TASP1: variants seen among roughly 807,000 people sequenced by gnomAD.
TASP1 encodes the protein threonine aspartase 1.
A neutral mutation model predicts 56.6 loss-of-function variants in TASP1; 16 were observed. The observed-to-expected ratio is 0.28, with a 90% CI of 0.19 to 0.43. The LOEUF (loss-of-function observed/expected upper bound fraction) is 0.43. Among genes scored for constraint, TASP1 ranks in the 20% least tolerant of loss-of-function variants. The pLI is 1.00. For synonymous variants in TASP1, 179 were observed against 184.2 expected (o/e 0.97, Z 0.23); for missense variants, 393 against 511.6 (o/e 0.77, Z 2.24).
chr20:13,138,199 C>T, the TASP1 span, among the ~76,000 whole-genome samples: 1 of 152,194 alleles, frequency 6.6e-6, no homozygotes, highest in African/African-American at 2.4e-5. Context: ...AATACAAGTG[C>T]CATGAGGGCA....
chr20:13,239,288 G>C, the TASP1 span, among the ~76,000 whole-genome samples: 582 of 152,304 alleles, frequency 3.8e-3, 5 homozygotes, highest in Middle Eastern at 0.017. Flanking sequence ...GTCTGGTGTG[G>C]TTCTCTCATG....
Position 13,575,154 on chromosome 20 carries a change from T to C in TASP1, c.489-5568A>G, listed in dbSNP as rs535161516. On this transcript the variant is annotated intron_variant, in intron 6 of 13. Coordinates refer to ENST00000337743, the MANE Select transcript of TASP1 (RefSeq NM_017714.3). ...GAATTTATCCCAGGAATGCAAGTGC[T>C]GCTTTGTCAGTCAAAAATCAAAGAA... Among the ~76,000 whole-genome samples, 106 of 152,340 alleles carry C rather than the reference T, an allele frequency of 7.0e-4. 1 individual carries two copies. The highest frequency in any genetic ancestry group is 1.1e-3 in the Non-Finnish European group (73 of 68,028).
intron 3 of TASP1, 24 bp downstream of exon 3, chr20:13,625,161 A>T: frequency 6.5e-7 from 1 of 1,543,650 alleles, no homozygotes; most frequent in Non-Finnish European, 8.7e-7. Flanking sequence ...TGCAATGCAC[A>T]GATCATACAC....
the TASP1 span, among the ~76,000 whole-genome samples, chr20:13,369,006 T>C: frequency 6.6e-6 from 1 of 152,188 alleles, no homozygotes; most frequent in Non-Finnish European, 1.5e-5. Context: ...TTAATACAGA[T>C]ATATTCAGGG....
chr20:13,147,502 C>T, the TASP1 span, among the ~76,000 whole-genome samples: 3 of 152,170 alleles, frequency 2.0e-5, no homozygotes, highest in African/African-American at 7.2e-5. Context: ...CAAGGTCTCT[C>T]CCCATCACCC....
the TASP1 span, among the ~76,000 whole-genome samples, chr20:13,317,532 C>G: frequency 1.3e-5 from 2 of 152,154 alleles, no homozygotes; most frequent in Admixed American, 6.5e-5. Flanking sequence ...TACTACCTGA[C>G]TCTAAGACAT....
intron 11 of TASP1, among the ~76,000 whole-genome samples, chr20:13,436,185 G>C (rs923116702): frequency 6.6e-5 from 10 of 152,054 alleles, no homozygotes; most frequent in African/African-American, 2.4e-4. Context: ...AATGCAAAAA[G>C]GTTCAGAAAT....
rs144976284 is a variant in TASP1 at position 13,595,560 on chromosome 20, A to T, written c.283-8190T>A. Reference sequence around the variant, plus strand: ...AACAAGCAAATGGAAAGCAAAAAAAAGCAGGGGTTGCAATCCTAGTCTCTG... The same window carrying T: ...AACAAGCAAATGGAAAGCAAAAAAATGCAGGGGTTGCAATCCTAGTCTCTG... On this transcript the variant is annotated intron_variant, in intron 4 of 13. Coordinates refer to ENST00000337743, the MANE Select transcript of TASP1 (RefSeq NM_017714.3). 1.1e-3 allele frequency among the ~76,000 whole-genome samples: 173 copies of T among 152,300 alleles called. 1 individual carries two copies. Among genetic ancestry groups the T allele is most frequent in the Middle Eastern group, 3.4e-3 (1 of 294 alleles).
the TASP1 span, chr20:13,270,583 A>T: frequency 5.6e-6 from 9 of 1,613,850 alleles, no homozygotes; most frequent in Non-Finnish European, 6.8e-6. Context: ...GAGCATCTGG[A>T]CCACCAGGCT....
the TASP1 span, among the ~76,000 whole-genome samples, chr20:13,117,131 A>G: frequency 6.6e-6 from 1 of 152,246 alleles, no homozygotes. Context: ...CCAGGCTGAT[A>G]AAGGGAATGA....
chr20:13,368,105 C>A, the TASP1 span, among the ~76,000 whole-genome samples: 2 of 150,998 alleles, frequency 1.3e-5, no homozygotes, highest in African/African-American at 2.4e-5. Flanking sequence ...TGTAGAGCTG[C>A]CTATTATATT....
chr20:13,459,173 T>G (rs867078369), intron 11 of TASP1, among the ~76,000 whole-genome samples: 2 of 152,204 alleles, frequency 1.3e-5, no homozygotes, highest in Middle Eastern at 6.8e-3. Context: ...GACTTCTCAA[T>G]TTTTTTACCT....
At chr20:13,445,521 G>A (rs1264649389) in intron 11 of TASP1, among the ~76,000 whole-genome samples, 2 of 152,198 alleles carry the variant, frequency 1.3e-5, no homozygotes, top group African/African-American at 4.8e-5. Flanking sequence ...CAACAGTGAT[G>A]AGTTGAGACA....
intron 12 of TASP1, among the ~76,000 whole-genome samples, chr20:13,424,298 T>C (rs1568781825): frequency 6.6e-6 from 1 of 152,166 alleles, no homozygotes; most frequent in Non-Finnish European, 1.5e-5. Flanking sequence ...TCAAATACGG[T>C]TACATAGAAA....
intron 11 of TASP1, among the ~76,000 whole-genome samples, chr20:13,453,492 T>G (rs1655316850): frequency 6.6e-6 from 1 of 152,044 alleles, no homozygotes; most frequent in Admixed American, 6.6e-5. Flanking sequence ...GACCTGGAGA[T>G]CTCATGGTGG....
At chr20:13,387,183 C>CTTT (rs1568732036), downstream of TASP1, among the ~76,000 whole-genome samples, 30 of 94,954 alleles carry the variant, frequency 3.2e-4, 2 homozygotes, top group African/African-American at 1.5e-3. Context: ...GACATGATTT[C>CTTT]ATTTTTTTTT....
the TASP1 span, among the ~76,000 whole-genome samples, chr20:13,296,757 C>T: frequency 1.3e-5 from 2 of 152,182 alleles, no homozygotes; most frequent in South Asian, 4.1e-4. Context: ...TGGTGGCTTA[C>T]ACCTGTAATC....
At chr20:13,172,155 G>A in the TASP1 span, among the ~76,000 whole-genome samples, 1 of 152,138 alleles carries the variant, frequency 6.6e-6, no homozygotes, top group East Asian at 1.9e-4. Context: ...TAATCCCTGA[G>A]GCTGAAACAA....
the TASP1 span, among the ~76,000 whole-genome samples, chr20:13,146,996 T>C: frequency 6.6e-6 from 1 of 152,160 alleles, no homozygotes; most frequent in Non-Finnish European, 1.5e-5. Context: ...GCACAAGAAA[T>C]GTCCATTCTC....
Sources: allele counts gnomAD v4.1 joint callset (sites outside exome capture counted in the v4.1 genomes callset), GRCh38; gene constraint gnomAD v4.1.1; transcripts MANE v1.5; gene names NCBI Gene and HGNC (gene_info 2026-07-23, HGNC 2026-07-21).